Variants in GRID2 observed in about 807,000 individuals in gnomAD.
The protein encoded by GRID2 is glutamate ionotropic receptor delta type subunit 2, also known as glutamate receptor ionotropic, delta-2.
In GRID2, 33 loss-of-function variants were observed where a neutral mutation model predicts 114.8. The observed-to-expected ratio is 0.29, with a 90% CI of 0.22 to 0.38. The LOEUF is 0.38. Among genes scored for constraint, GRID2 ranks in the 10% least tolerant of loss-of-function variants. The pLI is 1.00. For missense variants in GRID2, 1,184 were observed against 1,257.7 expected (o/e 0.94, Z 0.89); for synonymous variants, 505 against 449.9 (o/e 1.12, Z -1.55).
chr4:92,803,446 T>A (rs540445334), intron 2 of GRID2, among the ~76,000 whole-genome samples: 101 of 152,134 alleles, frequency 6.6e-4, no homozygotes, highest in Non-Finnish European at 1.3e-3. Flanking sequence ...GAAAATATAT[T>A]ATTTTGATGT....
chr4:92,600,038 G>GTATATATA (rs1729135219), intron 2 of GRID2, among the ~76,000 whole-genome samples: 1 of 74,818 alleles, frequency 1.3e-5, no homozygotes, highest in African/African-American at 5.3e-5. Context: ...GTGTGTGTGT[G>GTATATATA]TGTGTGTATA....
At chr4:92,473,195 T>C (rs1266630914) in intron 1 of GRID2, among the ~76,000 whole-genome samples, 2 of 152,070 alleles carry the variant, frequency 1.3e-5, no homozygotes, top group Non-Finnish European at 2.9e-5. Context: ...AAAAATCAAT[T>C]GACCATGTAA....
At chr4:92,829,698 A>T (rs941148268) in intron 2 of GRID2, among the ~76,000 whole-genome samples, 6 of 152,134 alleles carry the variant, frequency 3.9e-5, no homozygotes, top group Non-Finnish European at 7.3e-5. Context: ...CCCATCAATG[A>T]TAGACTGGAC....
In GRID2 at chr4:93,414,685, T is replaced by TTATATATATATATATATATATATA. The variant is rs34416042; in HGVS notation, c.1348-8065_1348-8064insATATATATATATATATATATATAT. Among the ~76,000 whole-genome samples, 352 of 140,406 alleles carry TTATATATATATATATATATATATA rather than the reference T, an allele frequency of 2.5e-3. 1 individual carries two copies. Among genetic ancestry groups the TTATATATATATATATATATATATA allele is most frequent in the Non-Finnish European group, 3.6e-3 (236 of 64,938 alleles). The allele number at this position is 140,406 out of a possible 152,430, so 92.1% of individuals were successfully genotyped here. A position where few individuals can be genotyped will look rare whatever the true frequency, so the allele number is the denominator to read the frequency against. The stretch of plus-strand genomic sequence containing the variant: ...GCACCTATCATCACCATCTGACATT[T>TTATATATATATATATATATATATA]TATATATATATATATATATATTTCC... On this transcript the variant is annotated intron_variant, in intron 9 of 15. Transcript: ENST00000282020.
At chr4:92,446,774 T>A (rs1042639301) in intron 1 of GRID2, among the ~76,000 whole-genome samples, 2 of 152,236 alleles carry the variant, frequency 1.3e-5, no homozygotes, top group African/African-American at 2.4e-5. Context: ...CTTGCATAGA[T>A]TGGTGGACCA....
chr4:93,091,364 T>C (rs1730774855), intron 3 of GRID2, among the ~76,000 whole-genome samples: 1 of 152,098 alleles, frequency 6.6e-6, no homozygotes, highest in African/African-American at 2.4e-5. Context: ...GGCGATCAAG[T>C]CGTGAATAGA....
At chr4:93,319,592 G>T (rs1467904062) in intron 8 of GRID2, 1 of 151,988 alleles carries the variant, frequency 6.6e-6, no homozygotes, top group African/African-American at 2.4e-5. Context: ...AGGTGGGCTT[G>T]ACCTACCATA....
At chr4:93,404,732 G>A (rs1247515691) in intron 9 of GRID2, among the ~76,000 whole-genome samples, 1 of 152,058 alleles carries the variant, frequency 6.6e-6, no homozygotes, top group Non-Finnish European at 1.5e-5. Flanking sequence ...AAGGCTTAAA[G>A]GATGATATTT....
chr4:92,318,960 G>A (rs964180092), intron 1 of GRID2, among the ~76,000 whole-genome samples: 5 of 152,078 alleles, frequency 3.3e-5, no homozygotes, highest in African/African-American at 9.7e-5. Flanking sequence ...GAGAAGAGAG[G>A]AAGGAATGTA....
At chr4:92,360,972 G>A (rs1234419482) in intron 1 of GRID2, among the ~76,000 whole-genome samples, 1 of 151,936 alleles carries the variant, frequency 6.6e-6, no homozygotes, top group Non-Finnish European at 1.5e-5. Flanking sequence ...TTGCTTGAGG[G>A]TAAGGACTAG....
intron 1 of GRID2, chr4:93,806,665 C>T (rs1166840537): frequency 6.6e-6 from 1 of 152,262 alleles, no homozygotes; most frequent in Admixed American, 6.5e-5. Flanking sequence ...GAAAGCCAAA[C>T]TTTGTCTAAA....
At chr4:93,233,643 G>A (rs1207992424) in intron 7 of GRID2, among the ~76,000 whole-genome samples, 1 of 151,932 alleles carries the variant, frequency 6.6e-6, no homozygotes, top group Non-Finnish European at 1.5e-5. Context: ...ACACCCAGCC[G>A]ACACTGAGGT....
At chr4:92,674,906 A>G (rs1356729397) in intron 2 of GRID2, among the ~76,000 whole-genome samples, 2 of 152,082 alleles carry the variant, frequency 1.3e-5, no homozygotes, top group African/African-American at 4.8e-5. Flanking sequence ...TTACTTTCAA[A>G]ACCTCTGGTC....
chr4:92,559,443 C>T (rs1727012543), intron 1 of GRID2, among the ~76,000 whole-genome samples: 1 of 152,162 alleles, frequency 6.6e-6, no homozygotes, highest in South Asian at 2.1e-4. Context: ...CCTAATCCAA[C>T]ATGCCTCAAT....
chr4:93,687,343 C>A (rs905255289), intron 14 of GRID2, among the ~76,000 whole-genome samples: 1 of 151,902 alleles, frequency 6.6e-6, no homozygotes, highest in African/African-American at 2.4e-5. Context: ...TATTGGACAT[C>A]CCAGTGGGAG....
intron 2 of GRID2, among the ~76,000 whole-genome samples, chr4:92,799,657 T>G (rs1333651995): frequency 1.3e-5 from 2 of 152,018 alleles, no homozygotes; most frequent in African/African-American, 4.8e-5. Context: ...CCCTAACAGC[T>G]GTCATCCATT....
At chr4:93,215,305 A>C (rs1049480206) in intron 5 of GRID2, among the ~76,000 whole-genome samples, 1 of 152,058 alleles carries the variant, frequency 6.6e-6, no homozygotes, top group Non-Finnish European at 1.5e-5. Context: ...CCTTCAAATG[A>C]AAGTTCCTGT....
chr4:93,088,106 T>C (rs1448931631), intron 3 of GRID2, among the ~76,000 whole-genome samples: 1 of 152,140 alleles, frequency 6.6e-6, no homozygotes, highest in Admixed American at 6.5e-5. Context: ...GACTTCTATA[T>C]CAAGTTAATT....
At chr4:92,924,868 T>A (rs1448185257) in intron 2 of GRID2, among the ~76,000 whole-genome samples, 1 of 152,146 alleles carries the variant, frequency 6.6e-6, no homozygotes, top group African/African-American at 2.4e-5. Context: ...TGTTGTAGCT[T>A]CATCATATTA....
Sources: allele counts gnomAD v4.1 joint callset (sites outside exome capture counted in the v4.1 genomes callset), GRCh38; gene constraint gnomAD v4.1.1; transcripts MANE v1.5; gene names NCBI Gene and HGNC (gene_info 2026-07-23, HGNC 2026-07-21).